NKAIN3: variants seen among roughly 807,000 people sequenced by gnomAD.
NKAIN3 encodes sodium/potassium transporting ATPase interacting 3.
A neutral mutation model predicts 30.2 loss-of-function variants in NKAIN3; 25 were observed. The observed-to-expected ratio is 0.83, with a 90% CI of 0.60 to 1.16. NKAIN3 has a LOEUF of 1.16. Among genes scored for constraint, NKAIN3 ranks in the 50% most tolerant of loss-of-function variants. The pLI, the probability that NKAIN3 is intolerant of heterozygous loss-of-function variation, is 0.00. For missense variants in NKAIN3, 225 were observed against 254.1 expected (o/e 0.89, Z 0.78); for synonymous variants, 91 against 89.6 (o/e 1.02, Z -0.09).
At chr8:62,334,491 A>G (rs1433522427) in intron 1 of NKAIN3, among the ~76,000 whole-genome samples, 1 of 152,116 alleles carries the variant, frequency 6.6e-6, no homozygotes, top group Non-Finnish European at 1.5e-5. Flanking sequence ...GTAAGACTTT[A>G]CCTTAACTTG....
chr8:62,506,040 A>C (rs1585884486), intron 1 of NKAIN3, among the ~76,000 whole-genome samples: 1 of 152,244 alleles, frequency 6.6e-6, no homozygotes, highest in African/African-American at 2.4e-5. Flanking sequence ...TCATTACTAC[A>C]TACTCACATT....
At chr8:62,265,320 A>G (rs1812569902) in intron 1 of NKAIN3, among the ~76,000 whole-genome samples, 1 of 152,160 alleles carries the variant, frequency 6.6e-6, no homozygotes, top group African/African-American at 2.4e-5. Context: ...TTCTGTAAAC[A>G]CTTTTGTCTA....
intron 4 of NKAIN3, among the ~76,000 whole-genome samples, chr8:62,901,507 T>A (rs983167826): frequency 3.9e-5 from 6 of 152,152 alleles, no homozygotes; most frequent in Non-Finnish European, 5.9e-5. Flanking sequence ...CATAACACCC[T>A]GGGGCCTTCT....
intron 4 of NKAIN3, among the ~76,000 whole-genome samples, chr8:62,783,988 A>T (rs2130658003): frequency 6.6e-6 from 1 of 152,136 alleles, no homozygotes; most frequent in South Asian, 2.1e-4. Context: ...ATTTTCCAGG[A>T]CAGACCAAAT....
chr8:62,349,344 C>T lies in NKAIN3; in HGVS notation c.54+100217C>T, dbSNP rs146687327. Among the ~76,000 whole-genome samples, 577 of 151,986 alleles carry T rather than the reference C, an allele frequency of 3.8e-3. 6 individuals are homozygous for T. The highest frequency in any genetic ancestry group is 0.013 in the African/African-American group (544 of 41,442). On this transcript the variant is annotated intron_variant, in intron 1 of 6. Coordinates refer to ENST00000623646, the MANE Select transcript of NKAIN3 (RefSeq NM_001304533.3). ...GAGTCTGGCATGCTGAAATTAGAGG[C>T]GGGAATTGATTCAGGAAAGTTTAAG...
intron 3 of NKAIN3, among the ~76,000 whole-genome samples, chr8:62,672,153 T>C (rs1813323759): frequency 6.6e-6 from 1 of 152,228 alleles, no homozygotes; most frequent in South Asian, 2.1e-4. Flanking sequence ...GTCACCTCCA[T>C]TGTATTTCCA....
chr8:62,675,238 G>A (rs919001616), intron 3 of NKAIN3, among the ~76,000 whole-genome samples: 28 of 152,050 alleles, frequency 1.8e-4, no homozygotes, highest in African/African-American at 6.0e-4. Flanking sequence ...TTTTCCCACC[G>A]TAGCAAGACC....
intron 4 of NKAIN3, among the ~76,000 whole-genome samples, chr8:62,806,591 G>T (rs1037886494): frequency 1.3e-5 from 2 of 151,980 alleles, no homozygotes; most frequent in Non-Finnish European, 2.9e-5. Context: ...ACTCATAGGT[G>T]GGAATTGAAC....
chr8:62,900,879 G>A (rs1249434881), intron 4 of NKAIN3, among the ~76,000 whole-genome samples: 1 of 152,100 alleles, frequency 6.6e-6, no homozygotes, highest in Non-Finnish European at 1.5e-5. Context: ...TCAACTGTGA[G>A]GTGAGTGTTG....
At chr8:62,722,018 T>G (rs1563531649) in intron 3 of NKAIN3, among the ~76,000 whole-genome samples, 1 of 152,178 alleles carries the variant, frequency 6.6e-6, no homozygotes, top group Non-Finnish European at 1.5e-5. Context: ...TGGATAAGAA[T>G]ATTTGTATTC....
chr8:62,839,059 A>G lies in NKAIN3; in HGVS notation c.472-79394A>G, dbSNP rs1356445967. 5.3e-5 allele frequency among the ~76,000 whole-genome samples: 8 copies of G among 152,068 alleles called. No homozygotes were observed. The East Asian group carries it at 1.4e-3, about 26-fold the overall frequency. ...TTACCTCCCTTCGTACACACACCCA[A>G]TCCTATCTCACACAGCTATCTCTCT... is the stretch of plus-strand genomic sequence containing the variant. On this transcript the variant is annotated intron_variant, in intron 4 of 6. Coordinates refer to ENST00000623646, the MANE Select transcript of NKAIN3 (RefSeq NM_001304533.3).
At chr8:62,805,758 T>C (rs2130703884) in intron 4 of NKAIN3, among the ~76,000 whole-genome samples, 1 of 152,254 alleles carries the variant, frequency 6.6e-6, no homozygotes, top group South Asian at 2.1e-4. Context: ...ACTTCATGTC[T>C]AAAACACCAA....
At chr8:62,425,901 T>C (rs747173886) in intron 1 of NKAIN3, among the ~76,000 whole-genome samples, 5 of 151,936 alleles carry the variant, frequency 3.3e-5, no homozygotes, top group Non-Finnish European at 5.9e-5. Flanking sequence ...AAATCTGTTA[T>C]CCTTTACAGT....
At chr8:62,709,262 T>G (rs1428890238) in intron 3 of NKAIN3, among the ~76,000 whole-genome samples, 1 of 152,164 alleles carries the variant, frequency 6.6e-6, no homozygotes, top group African/African-American at 2.4e-5. Context: ...GATTCCTTCT[T>G]CCTCCATCTT....
rs544612206 is a variant in NKAIN3, at chr8:62,818,986, A to G, written c.471+71857A>G. ...TGATAGTCATCATTTGAATAAAACA[A>G]CTGCAAAAAGACATTCATGGTATAA... On this transcript the variant is annotated intron_variant, in intron 4 of 6. Coordinates refer to ENST00000623646, the MANE Select transcript of NKAIN3 (RefSeq NM_001304533.3). Among the ~76,000 whole-genome samples, 6 of 152,008 alleles carry G rather than the reference A, an allele frequency of 3.9e-5. No individual in the cohort carries two copies. In the East Asian group the frequency reaches 1.2e-3, roughly 29 times the overall value.
At position 62,593,000 on chromosome 8, in the gene NKAIN3, G is replaced by C. The variant is rs539249578; in HGVS notation, c.273+3206G>C. ...AATTGACAAATCCATTAACATAGGG[G>C]GAGAGTTTAATACTCCTTTCTTGCT... On this transcript the variant is annotated intron_variant, in intron 3 of 6. Coordinates refer to ENST00000623646, the MANE Select transcript of NKAIN3 (RefSeq NM_001304533.3). 2.4e-4 allele frequency among the ~76,000 whole-genome samples: 36 copies of C among 151,930 alleles called. No individual in the cohort carries two copies. The South Asian group carries it at 3.1e-3, about 13-fold the overall frequency.
intron 1 of NKAIN3, among the ~76,000 whole-genome samples, chr8:62,551,077 C>G (rs1316401464): frequency 6.6e-6 from 1 of 152,118 alleles, no homozygotes; most frequent in African/African-American, 2.4e-5. Context: ...GAGAGCTAAA[C>G]ACATAAAGTA....
chr8:62,738,021 G>T (rs1213985621), intron 3 of NKAIN3, among the ~76,000 whole-genome samples: 1 of 151,990 alleles, frequency 6.6e-6, no homozygotes, highest in African/African-American at 2.4e-5. Context: ...AATCCTTTAG[G>T]TATATACCCA....
chr8:62,298,272 T>C (rs1450834613), intron 1 of NKAIN3, among the ~76,000 whole-genome samples: 1 of 152,158 alleles, frequency 6.6e-6, no homozygotes, highest in Non-Finnish European at 1.5e-5. Context: ...TGTATACATA[T>C]GTAACAAATC....
Sources: gnomAD v4.1 joint callset for allele counts (sites outside exome capture counted in the v4.1 genomes callset) on GRCh38, gnomAD v4.1.1 for gene constraint, MANE v1.5 for transcripts, NCBI Gene and HGNC (gene_info 2026-07-23, HGNC 2026-07-21) for gene names.